Variants in SOX5 observed in about 807,000 individuals in gnomAD.
SOX5 encodes the protein SRY-box transcription factor 5.
A neutral mutation model predicts 92.0 loss-of-function variants in SOX5; 9 were observed. The observed-to-expected ratio is 0.10, with a 90% CI of 0.06 to 0.17. The LOEUF (loss-of-function observed/expected upper bound fraction) is 0.17, where lower values mean the gene tolerates loss of function less well. Ranked by LOEUF, SOX5 falls within the 10% of genes least tolerant of loss-of-function variation. The pLI is 1.00. For synonymous variants in SOX5, 344 were observed against 336.3 expected (o/e 1.02, Z -0.25); for missense variants, 642 against 944.5 (o/e 0.68, Z 4.20).
intron 7 of SOX5, among the ~76,000 whole-genome samples, chr12:23,654,360 A>G (rs2082053407): frequency 6.6e-6 from 1 of 152,106 alleles, no homozygotes; most frequent in Non-Finnish European, 1.5e-5. Context: ...AGTAATATGC[A>G]CTTCCAAAGT....
intron 2 of SOX5, among the ~76,000 whole-genome samples, chr12:24,364,013 T>A (rs572858748): frequency 6.6e-6 from 1 of 152,332 alleles, no homozygotes; most frequent in South Asian, 2.1e-4. Flanking sequence ...GCAGGCATTT[T>A]TAGAAAACCT....
At chr12:24,189,707 C>A (rs1956342290) in intron 4 of SOX5, among the ~76,000 whole-genome samples, 1 of 152,124 alleles carries the variant, frequency 6.6e-6, no homozygotes, top group South Asian at 2.1e-4. Context: ...TCCCTCATTT[C>A]ATTTTCTCAG....
intron 2 of SOX5, among the ~76,000 whole-genome samples, chr12:23,885,430 CA>C (rs1233380517): frequency 1.3e-5 from 2 of 152,092 alleles, no homozygotes; most frequent in East Asian, 3.8e-4. Flanking sequence ...TATCGACAAA[CA>C]AGATTAATTG....
intron 4 of SOX5, among the ~76,000 whole-genome samples, chr12:24,117,932 T>C (rs1389913451): frequency 1.3e-5 from 2 of 150,546 alleles, no homozygotes; most frequent in East Asian, 3.9e-4. Context: ...GGCAGGAGAA[T>C]TGCTTGAACC....
At chr12:23,950,859 A>G (rs1168321430), upstream of SOX5, 1 of 1,535,100 alleles carries the variant, frequency 6.5e-7, no homozygotes, top group Non-Finnish European at 8.7e-7. Context: ...ACAGAGAGAG[A>G]GACACTTACA....
chr12:23,867,288 C>G (rs540968781), intron 2 of SOX5, among the ~76,000 whole-genome samples: 23 of 152,208 alleles, frequency 1.5e-4, no homozygotes, highest in African/African-American at 5.5e-4. Context: ...AATGTTAACT[C>G]AGAATTCTGT....
intron 4 of SOX5, among the ~76,000 whole-genome samples, chr12:23,743,633 C>T (rs2093880767): frequency 6.6e-6 from 1 of 152,076 alleles, no homozygotes; most frequent in African/African-American, 2.4e-5. Context: ...TATTACATTA[C>T]TTCCACACTC....
intron 3 of SOX5, among the ~76,000 whole-genome samples, chr12:23,759,191 A>T (rs1278474288): frequency 6.6e-6 from 1 of 152,024 alleles, no homozygotes; most frequent in Non-Finnish European, 1.5e-5. Context: ...ATGAGCAGCA[A>T]CTGTGGAATT....
At chr12:24,426,082 C>A (rs1375164995) in intron 1 of SOX5, among the ~76,000 whole-genome samples, 1 of 152,120 alleles carries the variant, frequency 6.6e-6, no homozygotes, top group East Asian at 1.9e-4. Context: ...TGCCTGTAAT[C>A]CCAGCACTTT....
At chr12:24,197,399 T>TA (rs1957106542) in intron 4 of SOX5, among the ~76,000 whole-genome samples, 1 of 152,102 alleles carries the variant, frequency 6.6e-6, no homozygotes, top group East Asian at 1.9e-4. Flanking sequence ...GACTTTAAAT[T>TA]AAAAAAATAT....
intron 3 of SOX5, among the ~76,000 whole-genome samples, chr12:24,246,340 C>T (rs1490226714): frequency 2.7e-5 from 4 of 149,946 alleles, no homozygotes; most frequent in Non-Finnish European, 5.9e-5. Flanking sequence ...TTATATCAGT[C>T]ATTGTCCGTC....
chr12:23,658,542 A>G (rs947823230), intron 7 of SOX5, among the ~76,000 whole-genome samples: 1 of 152,216 alleles, frequency 6.6e-6, no homozygotes, highest in Admixed American at 6.5e-5. Context: ...CGGTTTATAA[A>G]CTTCTGGGAA....
At chr12:23,634,641 C>T (rs1457133169) in intron 8 of SOX5, among the ~76,000 whole-genome samples, 1 of 152,062 alleles carries the variant, frequency 6.6e-6, no homozygotes. Flanking sequence ...AAACATGCTA[C>T]CAGGCACAGA....
At chr12:24,343,052 A>G (rs868029176) in intron 2 of SOX5, among the ~76,000 whole-genome samples, 8 of 152,224 alleles carry the variant, frequency 5.3e-5, no homozygotes, top group Non-Finnish European at 1.0e-4. Flanking sequence ...ATTTTCCTAA[A>G]AGCAAGTTTA....
chr12:24,077,495 A>T (rs1942770352), intron 4 of SOX5, among the ~76,000 whole-genome samples: 1 of 152,022 alleles, frequency 6.6e-6, no homozygotes, highest in Non-Finnish European at 1.5e-5. Context: ...GAACTTTGGC[A>T]GCCAACAGTT....
chr12:23,808,039 A>G (rs2142337453), intron 3 of SOX5, among the ~76,000 whole-genome samples: 2 of 152,216 alleles, frequency 1.3e-5, no homozygotes, highest in East Asian at 3.9e-4. Context: ...ATTAATTCAA[A>G]TATCTCAATA....
chr12:23,806,170 T>C (rs1401438694), intron 3 of SOX5, among the ~76,000 whole-genome samples: 1 of 152,152 alleles, frequency 6.6e-6, no homozygotes, highest in Non-Finnish European at 1.5e-5. Flanking sequence ...CCATTTCCCC[T>C]CTCAGTTTTG....
intron 1 of SOX5, among the ~76,000 whole-genome samples, chr12:24,529,802 G>T (rs756568006): frequency 3.3e-5 from 5 of 152,148 alleles, no homozygotes; most frequent in African/African-American, 1.2e-4. Flanking sequence ...GGCAGATCAC[G>T]AGGTCAGGAG....
At chr12:23,715,066 G>A (rs1367286816) in intron 6 of SOX5, among the ~76,000 whole-genome samples, 3 of 152,068 alleles carry the variant, frequency 2.0e-5, no homozygotes, top group East Asian at 1.9e-4. Context: ...TTGGGAGGCC[G>A]AGGCGGGCGG....
Sources: gnomAD v4.1 joint callset for allele counts (sites outside exome capture counted in the v4.1 genomes callset) on GRCh38, gnomAD v4.1.1 for gene constraint, MANE v1.5 for transcripts, NCBI Gene and HGNC (gene_info 2026-07-23, HGNC 2026-07-21) for gene names.